Variants in VIM observed in about 807,000 individuals in gnomAD.
The protein encoded by VIM is epididymis secretory sperm binding protein.
VIM carries 18 observed loss-of-function variants against 50.3 expected under a neutral mutation model. The ratio of observed to expected loss-of-function variants is 0.36; its 90% confidence interval spans 0.25 to 0.53. The LOEUF (loss-of-function observed/expected upper bound fraction) is 0.53. Among genes scored for constraint, VIM ranks in the 20% least tolerant of loss-of-function variants. The pLI is 0.91. For synonymous variants in VIM, 245 were observed against 248.5 expected, an observed-to-expected ratio of 0.99 and a Z score of 0.13; for missense variants, 551 against 614.7, an observed-to-expected ratio of 0.90 and a Z score of 1.10.
intron 3 of VIM, among the ~76,000 whole-genome samples, chr10:17,232,524 C>A (rs1162154943): frequency 6.6e-6 from 1 of 152,188 alleles, no homozygotes; most frequent in Non-Finnish European, 1.5e-5. Flanking sequence ...TGAACTGATA[C>A]AGTGGCAAGT....
At position 17,235,252 on chromosome 10, in the gene VIM, C is replaced by G. The variant is rs116696668; in HGVS notation, c.1092C>G (p.Arg364=). The G allele has an allele frequency of 2.5e-5, 40 of 1,614,192 alleles. No homozygotes were observed. The highest frequency in any genetic ancestry group is 3.3e-5 in the Non-Finnish European group (39 of 1,180,036). ...EAANYQDTIG[R]LQDEIQNMKE... ...CTAACTACCAAGACACTATTGGCCGCCTGCAGGATGAGATTCAGAATATGA... is the reference window on the plus strand; with the variant it reads ...CTAACTACCAAGACACTATTGGCCGGCTGCAGGATGAGATTCAGAATATGA... The change falls in exon 7 of 10, where the codon CGC becomes CGG. Residue 364 remains arginine, a synonymous_variant. Coordinates refer to ENST00000544301, the MANE Select transcript of VIM (RefSeq NM_003380.5).
chr10:17,236,912 CATTTTA>C (rs900504919), intron 9 of VIM, among the ~76,000 whole-genome samples: 1 of 152,190 alleles, frequency 6.6e-6, no homozygotes, highest in African/African-American at 2.4e-5. Flanking sequence ...ACCTGCTGCA[CATTTTA>C]ATATGTCTTA....
intron 5 of VIM, 48 bp from the exon 6 acceptor site, chr10:17,234,645 A>G (rs1480056467): frequency 1.9e-6 from 3 of 1,611,340 alleles, no homozygotes; most frequent in Non-Finnish European, 2.5e-6. Flanking sequence ...TAAGAGAGTC[A>G]AAAGACTTGA....
At chr10:17,234,332 C>G (rs1300281156) in intron 5 of VIM, among the ~76,000 whole-genome samples, 2 of 152,164 alleles carry the variant, frequency 1.3e-5, no homozygotes, top group African/African-American at 2.4e-5. Flanking sequence ...CCAGGCTTCT[C>G]TCAAACTCCT....
At position 17,234,623 on chromosome 10, in the gene VIM, A is replaced by AT. The variant is rs902343218; in HGVS notation, c.883-60dup. On this transcript the variant is annotated intron_variant, in intron 5 of 9. Coordinates refer to ENST00000544301, the MANE Select transcript of VIM (RefSeq NM_003380.5). ...TGGAAGACATTCAGTGAGAAATATGATTTTTTTTTTCTAAGAGAGTCAAAA... is the reference window on the plus strand; with the variant it reads ...TGGAAGACATTCAGTGAGAAATATGATTTTTTTTTTTCTAAGAGAGTCAAAA... 4,972 of 1,506,254 alleles carry AT rather than the reference A, an allele frequency of 3.3e-3. 4 individuals carry two copies. Among genetic ancestry groups the AT allele is most frequent in the Middle Eastern group, 8.0e-3 (46 of 5,736 alleles). 93.3% of individuals were successfully genotyped at this position (1,506,254 alleles called of 1,614,324 possible). A position where few individuals can be genotyped will look rare whatever the true frequency, so the allele number is the denominator to read the frequency against.
rs749382642 is a variant in VIM, at chr10:17,235,409, A to T, written c.1229+20A>T. 1 of 1,612,560 alleles carries T rather than the reference A, an allele frequency of 6.2e-7. No individual in the cohort carries two copies. Among genetic ancestry groups the T allele is most frequent in the South Asian group, 1.1e-5 (1 of 91,054 alleles). ...GAGCAGGTAGGGAACTCAGACTTGG[A>T]TGCGTGAACTAATGGTGACCATTTG... is the stretch of plus-strand genomic sequence containing the variant. On this transcript the variant is annotated intron_variant, in intron 7 of 9. Coordinates refer to ENST00000544301, the MANE Select transcript of VIM (RefSeq NM_003380.5).
In VIM at chr10:17,234,696, G is replaced by A. The variant is rs578255169; in HGVS notation, c.886G>A (p.Ala296Thr). Residue 296 changes from alanine to threonine, a missense_variant, in exon 6 of 10, where the codon GCT (alanine) becomes ACT (threonine). Ala to Thr is a moderately conservative substitution (Grantham distance 58, BLOSUM62 0). Transcript: ENST00000544301. The stretch of plus-strand genomic sequence containing the variant: ...ATTTCTGTTTTCTTCCCAACAGTTT[G>A]CTGACCTCTCTGAGGCTGCCAACCG... ...EAEEWYKSKFADLSEAANRNN... is the reference protein window; with the variant it reads ...EAEEWYKSKFTDLSEAANRNN... 4 of 1,613,916 alleles carry A rather than the reference G, an allele frequency of 2.5e-6. 1 individual carries two copies. In the Middle Eastern group the frequency reaches 4.9e-4, roughly 200 times the overall value.
intron 2 of VIM, chr10:17,230,374 G>C: frequency 1.7e-6 from 1 of 574,966 alleles, no homozygotes; most frequent in Non-Finnish European, 3.1e-6. Flanking sequence ...AGGGGAAGGC[G>C]GTGGAGGGAG....
intron 3 of VIM, among the ~76,000 whole-genome samples, chr10:17,232,866 A>G (rs1235379905): frequency 6.6e-6 from 1 of 152,242 alleles, no homozygotes; most frequent in African/African-American, 2.4e-5. Context: ...CTCTATCATC[A>G]TGTTATTCCA....
rs374141744 is a variant in VIM at position 17,233,945 on chromosome 10, C to A, written c.882+14C>A. ...TACAAATCCAAGGTAGGAAACAAAT[C>A]AGTGCGGCTTCAACCAAAGAAAAGC... On this transcript the variant is annotated intron_variant, in intron 5 of 9. Coordinates refer to ENST00000544301, the MANE Select transcript of VIM (RefSeq NM_003380.5). 62 of 1,608,816 alleles carry A rather than the reference C, an allele frequency of 3.9e-5. No individual in the cohort carries two copies. In the African/African-American group the frequency reaches 7.6e-4, roughly 20 times the overall value.
At chr10:17,234,073 C>A in intron 5 of VIM, 142 bp downstream of exon 5, 1 of 960,440 alleles carries the variant, frequency 1.0e-6, no homozygotes, top group Non-Finnish European at 1.6e-6. Flanking sequence ...TTTGCCACCA[C>A]AGCCTCCCCA....
Position 17,233,702 on chromosome 10 carries a change from G to T in VIM, c.720+20G>T. On this transcript the variant is annotated intron_variant, in intron 4 of 9. Transcript: ENST00000544301. ...GAAGAGGTTAGTGGAGTGACTTTCG[G>T]GGAATGAATGAGGGTAAGGCAGCCC... is the stretch of plus-strand genomic sequence containing the variant. 2.5e-6 allele frequency: 4 copies of T among 1,614,146 alleles called. No individual in the cohort carries two copies. Among genetic ancestry groups the T allele is most frequent in the Non-Finnish European group, 2.5e-6 (3 of 1,180,006 alleles).
chr10:17,234,447 C>T (rs1846851543), intron 5 of VIM, among the ~76,000 whole-genome samples: 1 of 152,130 alleles, frequency 6.6e-6, no homozygotes, highest in Non-Finnish European at 1.5e-5. Context: ...AGACTCTCTT[C>T]CCCCTAACCT....
At chr10:17,232,102 G>A (rs1047601962) in intron 3 of VIM, among the ~76,000 whole-genome samples, 5 of 152,158 alleles carry the variant, frequency 3.3e-5, no homozygotes, top group African/African-American at 1.2e-4. Flanking sequence ...TCGAGATTAA[G>A]CAAAATTCCT....
intron 5 of VIM, 81 bp downstream of exon 5, chr10:17,234,012 T>G (rs908134851): frequency 7.8e-6 from 12 of 1,540,576 alleles, no homozygotes; most frequent in African/African-American, 4.1e-5. Context: ...GATTCCTAAA[T>G]ATCCTCTAGC....
intron 8 of VIM, 129 bp downstream of exon 8, chr10:17,236,018 T>C: frequency 9.5e-7 from 1 of 1,057,660 alleles, no homozygotes; most frequent in African/African-American, 1.6e-5. Context: ...AAAACATCTA[T>C]AATTTTCGAA....
chr10:17,230,880 A>T, intron 3 of VIM, 170 bp downstream of exon 3: 1 of 680,696 alleles, frequency 1.5e-6, no homozygotes, highest in Non-Finnish European at 2.5e-6. Flanking sequence ...TGATTAGAAA[A>T]ATATTAATAA....
intron 3 of VIM, 35 bp from the exon 4 acceptor site, chr10:17,233,552 T>A (rs1160965037): frequency 6.3e-7 from 1 of 1,599,684 alleles, no homozygotes; most frequent in African/African-American, 1.3e-5. Flanking sequence ...CACTTTTACA[T>A]CCTCCATGTC....
rs1846833082 is a variant in VIM at position 17,233,605 on chromosome 10, C to G, written c.643C>G (p.Leu215Val). Residue 215 changes from leucine (L) to valine (V), a missense_variant, in exon 4 of 10, where the codon CTG becomes GTG. Coordinates refer to ENST00000544301, the MANE Select transcript of VIM (RefSeq NM_003380.5). ...AAAATAGGATGTTGACAATGCGTCT[C>G]TGGCACGTCTTGACCTTGAACGCAA... ...SFRQDVDNAS[L>V]ARLDLERKVE... The G allele has an allele frequency of 6.2e-7, 1 of 1,614,108 alleles. No individual in the cohort carries two copies. Among genetic ancestry groups the G allele is most frequent in the Non-Finnish European group, 8.5e-7 (1 of 1,180,044 alleles).
Sources: allele counts gnomAD v4.1 joint callset (sites outside exome capture counted in the v4.1 genomes callset), GRCh38; gene constraint gnomAD v4.1.1; transcripts MANE v1.5; gene names NCBI Gene and HGNC (gene_info 2026-07-23, HGNC 2026-07-21).